The following DICER1 variants were observed in gnomAD, a reference collection of about 807,000 sequenced individuals.
DICER1 encodes the protein endoribonuclease Dicer.
DICER1 carries 43 observed loss-of-function variants against 194.1 expected under a neutral mutation model. The ratio of observed to expected loss-of-function variants is 0.22; its 90% CI spans 0.17 to 0.29. The LOEUF is 0.29. Among genes scored for constraint, DICER1 ranks in the 10% least tolerant of loss-of-function variants. DICER1 has a pLI of 1.00. For synonymous variants in DICER1, 832 were observed against 820.5 expected, an observed-to-expected ratio of 1.01 and a Z score of -0.24; for missense variants, 1,608 against 2,317.0, an observed-to-expected ratio of 0.69 and a Z score of 6.28.
In DICER1 at chr14:95,095,878, G is replaced by A; in HGVS notation, c.5042C>T (p.Ala1681Val). The change falls in exon 23 of 27, where the codon GCT becomes GTT. Residue 1681 changes from alanine (A) to valine (V), a missense_variant. This residue lies in a region of DICER1 where 125 missense variants were observed against 134.9 expected (regional missense o/e 0.93). Coordinates refer to ENST00000343455, the MANE Select transcript of DICER1 (RefSeq NM_177438.3). The part of the protein sequence containing the change: ...KKINYRFKNK[A>V]YLLQAFTHAS... ...ATGTGTAAAAGCCTGGAGAAGGTAA[G>A]CCTTATTCTTGAATCTGTAGTTGAT... 10 of 1,614,154 alleles carry A rather than the reference G, an allele frequency of 6.2e-6. No individual in the cohort carries two copies. The highest frequency in any genetic ancestry group is 8.5e-6 in the Non-Finnish European group (10 of 1,180,010).
intron 3 of DICER1, 135 bp from the exon 4 acceptor site, chr14:95,131,774 C>G: frequency 1.1e-6 from 1 of 870,194 alleles, no homozygotes; most frequent in South Asian, 1.4e-5. Context: ...TTGATAGCCT[C>G]TTTAAAACCA....
At chr14:95,112,389 C>G in intron 12 of DICER1, 142 bp from the exon 13 acceptor site, 1 of 730,244 alleles carries the variant, frequency 1.4e-6, no homozygotes, top group South Asian at 1.8e-5. Flanking sequence ...AAAATTCCAG[C>G]AAGTTTTTAA....
In DICER1 at chr14:95,095,946, T is replaced by C. The variant is rs1555367533; in HGVS notation, c.4974A>G (p.Thr1658=). The C allele has an allele frequency of 6.2e-7, 1 of 1,614,230 alleles. No individual in the cohort carries two copies. The change falls in exon 23 of 27, where the codon ACA becomes ACG. Residue 1658 remains threonine, a synonymous_variant. Coordinates refer to ENST00000343455, the MANE Select transcript of DICER1 (RefSeq NM_177438.3). ...CAAACCCCGATATAAGGTGATTCAG[T>C]GTTTTATCTGCATCTGGATGATCAA... The part of the protein sequence containing the change: ...CMFDHPDADK[T]LNHLISGFEN...
At position 95,116,358 on chromosome 14, in the gene DICER1, C is replaced by T. The variant is rs1892462592; in HGVS notation, c.1752+95G>A. 2.1e-6 allele frequency: 3 copies of T among 1,441,884 alleles called. No individual in the cohort carries two copies. In the Admixed American group the frequency reaches 5.4e-5, roughly 26 times the overall value. 89.3% of individuals were successfully genotyped at this position (1,441,884 alleles called of 1,614,324 possible). ...TTGAGATTATTGCCTGTAGATAAAA[C>T]TCATTATCTGTTCCTATGGATACAA... On this transcript the variant is annotated intron_variant, in intron 10 of 26. Transcript: ENST00000343455.
intron 1 of DICER1, among the ~76,000 whole-genome samples, chr14:95,156,039 A>G (rs1332570458): frequency 6.6e-6 from 1 of 152,176 alleles, no homozygotes; most frequent in East Asian, 1.9e-4. Context: ...CTTATCCCGA[A>G]CCCATCTTTT....
chr14:95,123,668 A>G (rs902203982), intron 8 of DICER1, among the ~76,000 whole-genome samples: 4 of 152,194 alleles, frequency 2.6e-5, no homozygotes, highest in East Asian at 1.9e-4. Flanking sequence ...TGGCTCCCAA[A>G]GTGCTGGAAT....
chr14:95,094,270 A>G (rs1283925595), intron 23 of DICER1, 114 bp from the exon 24 acceptor site: 1 of 1,342,576 alleles, frequency 7.4e-7, no homozygotes, highest in Non-Finnish European at 1.0e-6. Flanking sequence ...ATTTTCATAC[A>G]TATATTCTTC....
At chr14:95,129,423 A>C (rs1395570799) in intron 6 of DICER1, 49 bp downstream of exon 6, 2 of 1,574,466 alleles carry the variant, frequency 1.3e-6, no homozygotes, top group African/African-American at 2.7e-5. Context: ...AAGACTTAAT[A>C]TTGTTTTCAA....
At position 95,112,983 on chromosome 14, in the gene DICER1, T is replaced by C. The variant is rs1892108561; in HGVS notation, c.2040+109A>G. ...AACACAAGGCTCCTGCTCATGAAAG[T>C]AGATTTTAAAATCAAATTTACCTAT... On this transcript the variant is annotated intron_variant, in intron 12 of 26. Transcript: ENST00000343455. 9.1e-6 allele frequency: 11 copies of C among 1,206,916 alleles called. No individual in the cohort carries two copies. In the Admixed American group the frequency reaches 1.1e-4, roughly 12 times the overall value. 74.8% of individuals were successfully genotyped at this position (1,206,916 alleles called of 1,614,324 possible).
At chr14:95,134,626 T>A (rs931014838) in intron 1 of DICER1, 4 of 152,096 alleles carry the variant, frequency 2.6e-5, no homozygotes, top group Non-Finnish European at 5.9e-5. Context: ...AAGTGTAGGG[T>A]CTCTTATACA....
chr14:95,093,891 A>C lies in DICER1; in HGVS notation c.5361T>G (p.Ser1787=). 1.2e-6 allele frequency: 2 copies of C among 1,614,208 alleles called. No homozygotes were observed. Among genetic ancestry groups the C allele is most frequent in the Non-Finnish European group, 1.7e-6 (2 of 1,180,034 alleles). ...CATCGTTTTGAACAGCACTAACCTC[A>C]GAATCCATTCCTTGCATTTCATTCT... is the stretch of plus-strand genomic sequence containing the variant. ...LEKNEMQGMD[S]ELRRSEEDEE... The change falls in exon 24 of 27, where the codon TCT becomes TCG. Residue 1787 remains serine, a synonymous_variant. Transcript: ENST00000343455.
In DICER1 at chr14:95,116,559, G is replaced by T; in HGVS notation, c.1646C>A (p.Ser549Tyr). 1 of 1,613,858 alleles carries T rather than the reference G, an allele frequency of 6.2e-7. No homozygotes were observed. The highest frequency in any genetic ancestry group is 8.5e-7 in the Non-Finnish European group (1 of 1,179,948). Reference sequence around the variant, plus strand: ...GATGGGTGCCCTTGCTCTTCCTTTAGATTGAACATAGGATCGATATTCTGT... The same window carrying T: ...GATGGGTGCCCTTGCTCTTCCTTTATATTGAACATAGGATCGATATTCTGT... ...LPTEYRSYVQ[S>Y]KGRARAPISN... The change falls in exon 10 of 27, where the codon TCT becomes TAT. Residue 549 changes from serine (S) to tyrosine (Y), a missense_variant. Ser to Tyr is a moderately radical substitution (Grantham distance 144, BLOSUM62 -2). Coordinates refer to ENST00000343455, the MANE Select transcript of DICER1 (RefSeq NM_177438.3).
intron 22 of DICER1, 80 bp from the exon 23 acceptor site, chr14:95,096,793 G>T: frequency 6.8e-7 from 1 of 1,459,958 alleles, no homozygotes; most frequent in Non-Finnish European, 9.1e-7. Context: ...AAAAGCAAGG[G>T]TTATGGATAA....
intron 14 of DICER1, among the ~76,000 whole-genome samples, chr14:95,109,504 G>T (rs1288919005): frequency 6.6e-6 from 1 of 152,186 alleles, no homozygotes; most frequent in Non-Finnish European, 1.5e-5. Context: ...AAAATGCTGG[G>T]ATCACAGGTG....
chr14:95,143,500 A>G (rs1302195564), intron 1 of DICER1, among the ~76,000 whole-genome samples: 1 of 152,142 alleles, frequency 6.6e-6, no homozygotes, highest in Non-Finnish European at 1.5e-5. Context: ...ATAACACTCA[A>G]TCGCCTGGTT....
chr14:95,105,920 G>C lies in DICER1; in HGVS notation c.2987+121C>G, dbSNP rs1891379451. Reference sequence around the variant, plus strand: ...CCCCTTGGGCAAGTTTGTGTGCAAAGCATCTCCTGATTTCAGATAGTCCAC... The same window carrying C: ...CCCCTTGGGCAAGTTTGTGTGCAAACCATCTCCTGATTTCAGATAGTCCAC... On this transcript the variant is annotated intron_variant, in intron 18 of 26. Coordinates refer to ENST00000343455, the MANE Select transcript of DICER1 (RefSeq NM_177438.3). This position sits in a 1 kb window ranked among gnomAD's most constrained non-coding sequence, Gnocchi z 4.9. 19 of 1,405,070 alleles carry C rather than the reference G, an allele frequency of 1.4e-5. No homozygotes were observed. In the Admixed American group the frequency reaches 2.3e-4, roughly 17 times the overall value. 87.0% of individuals were successfully genotyped at this position (1,405,070 alleles called of 1,614,324 possible).
intron 1 of DICER1, among the ~76,000 whole-genome samples, chr14:95,138,338 CAG>C (rs576599408): frequency 2.1e-5 from 3 of 142,596 alleles, no homozygotes; most frequent in Non-Finnish European, 3.1e-5. Flanking sequence ...AAAAAAAAAA[CAG>C]AGAAATGAAA....
intron 1 of DICER1, among the ~76,000 whole-genome samples, chr14:95,156,895 G>A (rs1193855364): frequency 6.6e-6 from 1 of 152,126 alleles, no homozygotes; most frequent in Non-Finnish European, 1.5e-5. Flanking sequence ...GACCTGTCAA[G>A]AGCCCCAGGC....
chr14:95,112,930 TG>T (rs1478276774), intron 12 of DICER1, among the ~76,000 whole-genome samples, 161 bp downstream of exon 12: 1 of 152,248 alleles, frequency 6.6e-6, no homozygotes, highest in African/African-American at 2.4e-5. Context: ...AAAGTAAATT[TG>T]GTTTTTATTT....
Sources: gnomAD v4.1 joint callset for allele counts (sites outside exome capture counted in the v4.1 genomes callset) on GRCh38, gnomAD v4.1.1 for gene constraint, gnomAD v4.1.1 regional missense constraint, Gnocchi (gnomAD v3.1) non-coding constraint, MANE v1.5 for transcripts, NCBI Gene and HGNC (gene_info 2026-07-23, HGNC 2026-07-21) for gene names.